The following CAVIN2 variants were observed in gnomAD, a reference collection of about 807,000 sequenced individuals.
CAVIN2 encodes caveolae associated protein 2, also known as caveolae-associated protein 2.
Under a neutral mutation model 11.7 loss-of-function variants are expected in CAVIN2, and 13 were observed. That is an observed-to-expected ratio of 1.11 (90% confidence interval 0.72 to 1.77). The LOEUF is 1.77. Among genes scored for constraint, CAVIN2 ranks in the 40% most tolerant of loss-of-function variants. The pLI is 0.00. For missense variants in CAVIN2, 549 were observed against 542.9 expected (o/e 1.01, Z -0.11); for synonymous variants, 237 against 223.2 (o/e 1.06, Z -0.55).
chr2:191,840,608 C>G (rs1690079772), intron 1 of CAVIN2, among the ~76,000 whole-genome samples: 1 of 152,218 alleles, frequency 6.6e-6, no homozygotes, highest in Non-Finnish European at 1.5e-5. Context: ...TCATATCGAT[C>G]CTAGTGAACT....
chr2:191,837,886 G>A (rs757118358), intron 1 of CAVIN2, among the ~76,000 whole-genome samples: 1 of 152,230 alleles, frequency 6.6e-6, no homozygotes, highest in Non-Finnish European at 1.5e-5. Flanking sequence ...TGAATAGCAG[G>A]ACAGCTTTCA....
At position 191,835,724 on chromosome 2, in the gene CAVIN2, A is replaced by G. The variant is rs1198817178; in HGVS notation, c.*199T>C. On this transcript the variant is annotated 3_prime_UTR_variant, in exon 2 of 2. Coordinates refer to ENST00000304141, the MANE Select transcript of CAVIN2 (RefSeq NM_004657.6). ...CTACAGAGATAGAACCTAAGAGCAA[A>G]TTAAAAGTGGAGTCCGTGACAGGTC... 2.0e-5 allele frequency: 11 copies of G among 557,064 alleles called. No homozygotes were observed. The allele number at this position is 557,064 out of a possible 1,614,324, so 34.5% of individuals were successfully genotyped here.
In CAVIN2 at chr2:191,846,542, G is replaced by A. The variant is rs974765920; in HGVS notation, c.384C>T (p.Val128=). Residue 128 remains valine (V), a synonymous_variant, in exon 1 of 2, where the codon GTC becomes GTT. Coordinates refer to ENST00000304141, the MANE Select transcript of CAVIN2 (RefSeq NM_004657.6). ...CGCACTGCCTATCCATGCGCTCTTT[G>A]ACCGCGCGCGTGTGGGCGCTGACCT... ...SRKVSAHTRA[V]KERMDRQCAQ... The A allele has an allele frequency of 1.9e-6, 3 of 1,614,252 alleles. No individual in the cohort carries two copies. In the East Asian group the frequency reaches 6.7e-5, roughly 36 times the overall value.
At chr2:191,846,386 G>C in intron 1 of CAVIN2, 57 bp downstream of exon 1, 1 of 1,524,068 alleles carries the variant, frequency 6.6e-7, no homozygotes, top group Non-Finnish European at 8.8e-7. Context: ...GGATGAGCGA[G>C]ATCAAGAATG....
chr2:191,843,632 G>A (rs908700765), intron 1 of CAVIN2, among the ~76,000 whole-genome samples: 5 of 152,078 alleles, frequency 3.3e-5, no homozygotes, highest in South Asian at 4.1e-4. Flanking sequence ...TCAACATGGC[G>A]GTAGTTATAC....
chr2:191,837,796 T>A (rs1690043672), intron 1 of CAVIN2, among the ~76,000 whole-genome samples: 1 of 152,256 alleles, frequency 6.6e-6, no homozygotes. Flanking sequence ...CAGCAAGATG[T>A]CTTCACATCT....
chr2:191,838,754 C>CA lies in CAVIN2; in HGVS notation c.484-2038dup, dbSNP rs571059819. On this transcript the variant is annotated intron_variant, in intron 1 of 1. Transcript: ENST00000304141. The stretch of plus-strand genomic sequence containing the variant: ...TTTGTCTCTTGTCCATGCTGTGTCC[C>CA]AGCACCTAGAGCTCAACAGCTGCTT... 8.1e-4 allele frequency among the ~76,000 whole-genome samples: 123 copies of CA among 152,350 alleles called. 2 individuals carry two copies. In the South Asian group the frequency reaches 0.024, roughly 30 times the overall value.
At chr2:191,846,314 C>G in intron 1 of CAVIN2, 129 bp downstream of exon 1, 1 of 1,134,280 alleles carries the variant, frequency 8.8e-7, no homozygotes, top group Non-Finnish European at 1.2e-6. Context: ...AGACAGGGGA[C>G]AGTGCCTTGT....
Position 191,836,534 on chromosome 2 carries a change from C to T in CAVIN2, c.667G>A (p.Val223Met), listed in dbSNP as rs149447289. 9 of 1,613,982 alleles carry T rather than the reference C, an allele frequency of 5.6e-6. No homozygotes were observed. Among genetic ancestry groups the T allele is most frequent in the Admixed American group, 1.7e-5 (1 of 59,978 alleles). Residue 223 changes from valine (V) to methionine (M), a missense_variant, in exon 2 of 2, where the codon GTG (valine) becomes ATG (methionine). By Grantham distance (21) the Val-to-Met change is conservative (BLOSUM62 1). Transcript: ENST00000304141. The part of the protein sequence containing the change: ...EALEDSAEEK[V>M]EESRAEKIKR... Reference sequence around the variant, plus strand: ...ATTTTCTCTGCCCTACTTTCTTCCACCTTTTCCTCGGCACTGTCTTCCAGG... The same window carrying T: ...ATTTTCTCTGCCCTACTTTCTTCCATCTTTTCCTCGGCACTGTCTTCCAGG...
intron 1 of CAVIN2, among the ~76,000 whole-genome samples, chr2:191,839,739 T>C (rs1690068973): frequency 6.6e-6 from 1 of 152,244 alleles, no homozygotes; most frequent in Admixed American, 6.5e-5. Context: ...TCTGCTGTCA[T>C]TTTAATTACA....
At chr2:191,840,291 G>A (rs1266449845) in intron 1 of CAVIN2, among the ~76,000 whole-genome samples, 1 of 152,114 alleles carries the variant, frequency 6.6e-6, no homozygotes, top group Non-Finnish European at 1.5e-5. Context: ...GTCTACTTAG[G>A]GTTCGTAGCT....
intron 1 of CAVIN2, among the ~76,000 whole-genome samples, chr2:191,846,135 G>T (rs913030837): frequency 6.6e-6 from 1 of 152,222 alleles, no homozygotes; most frequent in Non-Finnish European, 1.5e-5. Flanking sequence ...AATTTGACTA[G>T]GGTGCACGCA....
intron 1 of CAVIN2, among the ~76,000 whole-genome samples, chr2:191,840,196 T>C (rs889400648): frequency 6.6e-6 from 1 of 152,256 alleles, no homozygotes; most frequent in African/African-American, 2.4e-5. Context: ...TCTTACAGGT[T>C]GCAAGACTGA....
chr2:191,835,700 T>C lies in CAVIN2; in HGVS notation c.*223A>G. 1 of 513,536 alleles carries C rather than the reference T, an allele frequency of 1.9e-6. No individual in the cohort carries two copies. Among genetic ancestry groups the C allele is most frequent in the Non-Finnish European group, 3.4e-6 (1 of 290,990 alleles). The allele number at this position is 513,536 out of a possible 1,614,324, so 31.8% of individuals were successfully genotyped here. A position where few individuals can be genotyped will look rare whatever the true frequency, so the allele number is the denominator to read the frequency against. ...TTCTTCTTCAATCTTGGAGACATTC[T>C]ACAGAGATAGAACCTAAGAGCAAAT... is the stretch of plus-strand genomic sequence containing the variant. On this transcript the variant is annotated 3_prime_UTR_variant, in exon 2 of 2. Transcript: ENST00000304141.
At chr2:191,838,240 A>G (rs1690048877) in intron 1 of CAVIN2, among the ~76,000 whole-genome samples, 1 of 152,246 alleles carries the variant, frequency 6.6e-6, no homozygotes, top group Admixed American at 6.5e-5. Context: ...AGATGAAAAC[A>G]TGCTTTAAGA....
chr2:191,836,220 G>T lies in CAVIN2; in HGVS notation c.981C>A (p.Asp327Glu). The T allele has an allele frequency of 6.2e-7, 1 of 1,614,058 alleles. No homozygotes were observed. Among genetic ancestry groups the T allele is most frequent in the South Asian group, 1.1e-5 (1 of 91,082 alleles). ...CCTCTGCAAAGGACTCCTCTTCCTG[G>T]TCATTTGGCATCTGCTCACTGCTAG... ...DLPSSEQMPN[D>E]QEEESFAEGH... The change falls in exon 2 of 2, where the codon GAC becomes GAA. Residue 327 changes from aspartate to glutamate, a missense_variant. Physicochemically the swap from Asp to Glu is conservative, Grantham distance 45. Coordinates refer to ENST00000304141, the MANE Select transcript of CAVIN2 (RefSeq NM_004657.6).
Position 191,835,828 on chromosome 2 carries a change from G to T in CAVIN2, c.*95C>A. On this transcript the variant is annotated 3_prime_UTR_variant, in exon 2 of 2. Coordinates refer to ENST00000304141, the MANE Select transcript of CAVIN2 (RefSeq NM_004657.6). The stretch of plus-strand genomic sequence containing the variant: ...GATTACTGCCTGGACAGGAACGCAG[G>T]AGTGGGTGAGTCGTGCTGGAGATGT... The T allele has an allele frequency of 8.2e-7, 1 of 1,214,190 alleles. No homozygotes were observed. Among genetic ancestry groups the T allele is most frequent in the Non-Finnish European group, 1.1e-6 (1 of 873,296 alleles). The allele number at this position is 1,214,190 out of a possible 1,614,324, so 75.2% of individuals were successfully genotyped here.
intron 1 of CAVIN2, among the ~76,000 whole-genome samples, chr2:191,841,244 C>A (rs1056950700): frequency 1.3e-5 from 2 of 152,058 alleles, no homozygotes; most frequent in East Asian, 1.9e-4. Context: ...GGGTTCAATT[C>A]TTTTTTAAGA....
In CAVIN2 at chr2:191,836,335, G is replaced by A. The variant is rs145092342; in HGVS notation, c.866C>T (p.Pro289Leu). 10 of 1,613,982 alleles carry A rather than the reference G, an allele frequency of 6.2e-6. No individual in the cohort carries two copies. The highest frequency in any genetic ancestry group is 6.8e-6 in the Non-Finnish European group (8 of 1,180,026). Reference sequence around the variant, plus strand: ...GAAAGTGAGGGGAGAAACCTTGAAGGGGGAGCTTTTTCCTGAGGATATTTT... The same window carrying A: ...GAAAGTGAGGGGAGAAACCTTGAAGAGGGAGCTTTTTCCTGAGGATATTTT... ...HQKISSGKSSPFKVSPLTFGR... is the reference protein window; with the variant it reads ...HQKISSGKSSLFKVSPLTFGR... The change falls in exon 2 of 2, where the codon CCC (proline) becomes CTC (leucine). Residue 289 changes from proline to leucine, a missense_variant. Transcript: ENST00000304141.
Sources: allele counts gnomAD v4.1 joint callset (sites outside exome capture counted in the v4.1 genomes callset), GRCh38; gene constraint gnomAD v4.1.1; transcripts MANE v1.5; gene names NCBI Gene and HGNC (gene_info 2026-07-23, HGNC 2026-07-21).